The following FAM163B variants were observed in gnomAD, a reference collection of about 807,000 sequenced individuals.
FAM163B encodes family with sequence similarity 163 member B.
FAM163B carries 4 observed loss-of-function variants against 7.6 expected under a neutral mutation model. The ratio of observed to expected loss-of-function variants is 0.52; its 90% CI spans 0.26 to 1.20. The LOEUF (loss-of-function observed/expected upper bound fraction) is 1.20. Among genes scored for constraint, FAM163B ranks in the 50% most tolerant of loss-of-function variants. FAM163B has a pLI of 0.14. For missense variants in FAM163B, 250 were observed against 243.0 expected (o/e 1.03, Z -0.19); for synonymous variants, 120 against 111.6 (o/e 1.07, Z -0.47).
chr9:133,587,055 A>G (rs1187209381), intron 1 of FAM163B, among the ~76,000 whole-genome samples: 1 of 152,200 alleles, frequency 6.6e-6, no homozygotes, highest in Non-Finnish European at 1.5e-5. Flanking sequence ...TAGGGAGTAA[A>G]CTGAGGCCAG....
chr9:133,594,846 G>T (rs1012660752), intron 1 of FAM163B, among the ~76,000 whole-genome samples: 9 of 152,132 alleles, frequency 5.9e-5, no homozygotes, highest in African/African-American at 2.2e-4. Context: ...CCCTGGGCAG[G>T]AAATGGCACT....
chr9:133,579,367 G>T lies in FAM163B; in HGVS notation c.156C>A (p.His52Gln), dbSNP rs961735652. 6 of 1,612,370 alleles carry T rather than the reference G, an allele frequency of 3.7e-6. No individual in the cohort carries two copies. The Admixed American group carries it at 5.0e-5, about 13-fold the overall frequency. Residue 52 changes from histidine to glutamine, a missense_variant, in exon 3 of 3, where the codon CAC becomes CAA. His to Gln is a conservative substitution (Grantham distance 24). Transcript: ENST00000673969. ...TGGAGTGCAGCGGGGGCAGGTGCGA[G>T]TGAACGGCGAAGTCTGGTTCCTCCT... Reference protein sequence around the residue: ...EDEEEPDFAVHSHLPPLHSNR... With the variant: ...EDEEEPDFAVQSHLPPLHSNR...
chr9:133,608,518 G>A (rs951704013), intron 1 of FAM163B, among the ~76,000 whole-genome samples: 27 of 152,156 alleles, frequency 1.8e-4, no homozygotes, highest in African/African-American at 6.3e-4. Context: ...GACAGAGGCC[G>A]GCGTGTTTGA....
chr9:133,582,976 G>A (rs968590756), intron 1 of FAM163B, among the ~76,000 whole-genome samples: 2 of 152,300 alleles, frequency 1.3e-5, no homozygotes, highest in South Asian at 4.1e-4. Flanking sequence ...ATCCCTCCCC[G>A]ACACCTGCAG....
At chr9:133,581,660 C>T (rs1831358516) in intron 1 of FAM163B, among the ~76,000 whole-genome samples, 1 of 152,144 alleles carries the variant, frequency 6.6e-6, no homozygotes, top group Non-Finnish European at 1.5e-5. Flanking sequence ...ATTGGAGAAA[C>T]TGGGTTGTTT....
chr9:133,585,598 T>A (rs894651288), intron 1 of FAM163B, among the ~76,000 whole-genome samples: 3 of 152,194 alleles, frequency 2.0e-5, no homozygotes, highest in Admixed American at 2.0e-4. Flanking sequence ...AAGGCCTACA[T>A]CCTCGGCACT....
Position 133,600,972 on chromosome 9 carries a change from C to T in FAM163B, c.-24+8105G>A, listed in dbSNP as rs1831721946. Among the ~76,000 whole-genome samples the T allele has an allele frequency of 6.6e-6, 1 of 152,154 alleles. No individual in the cohort carries two copies. Among genetic ancestry groups the T allele is most frequent in the Non-Finnish European group, 1.5e-5 (1 of 68,022 alleles). ...CTGGCTGAACTCCAGACATTTTGCT[C>T]TTCCCTGACATCAGCCCAAGTTCTC... On this transcript the variant is annotated intron_variant, in intron 1 of 2. Coordinates refer to ENST00000673969, the MANE Select transcript of FAM163B (RefSeq NM_001080515.3). The surrounding 1 kb of genome is among the most constrained non-coding windows in gnomAD (Gnocchi z 4.9).
intron 1 of FAM163B, among the ~76,000 whole-genome samples, chr9:133,581,947 A>T (rs1831362727): frequency 6.6e-6 from 1 of 152,230 alleles, no homozygotes. Context: ...AGGAGTTACA[A>T]AGTAGTGACT....
chr9:133,599,600 ATGTG>A (rs898274939), intron 1 of FAM163B, among the ~76,000 whole-genome samples: 11 of 146,966 alleles, frequency 7.5e-5, no homozygotes, highest in African/African-American at 2.5e-4. Flanking sequence ...GCATGTGTGA[ATGTG>A]TGTGTGCATG....
chr9:133,607,145 C>T lies in FAM163B; in HGVS notation c.-24+1932G>A, dbSNP rs146648552. The stretch of plus-strand genomic sequence containing the variant: ...CTGCACTCCTCCCAGCTTTCCTACT[C>T]CATCCGGGGCTTAGATGAACAGAGC... On this transcript the variant is annotated intron_variant, in intron 1 of 2. Coordinates refer to ENST00000673969, the MANE Select transcript of FAM163B (RefSeq NM_001080515.3). 2.6e-3 allele frequency among the ~76,000 whole-genome samples: 396 copies of T among 152,302 alleles called. 4 individuals are homozygous for T. The highest frequency in any genetic ancestry group is 9.2e-3 in the African/African-American group (383 of 41,564).
At chr9:133,598,676 G>A (rs970786535) in intron 1 of FAM163B, among the ~76,000 whole-genome samples, 8 of 152,074 alleles carry the variant, frequency 5.3e-5, no homozygotes, top group South Asian at 2.1e-4. Flanking sequence ...TTAGAATAAC[G>A]CACTCATGCT....
chr9:133,603,380 T>C (rs1831753246), intron 1 of FAM163B, among the ~76,000 whole-genome samples: 1 of 152,014 alleles, frequency 6.6e-6, no homozygotes, highest in Non-Finnish European at 1.5e-5. Flanking sequence ...GATGTGTTGG[T>C]AGGAACCGCA....
chr9:133,585,670 G>A (rs1340207346), intron 1 of FAM163B, among the ~76,000 whole-genome samples: 1 of 152,248 alleles, frequency 6.6e-6, no homozygotes, highest in Non-Finnish European at 1.5e-5. Context: ...CCAGGACGGG[G>A]AGCCTGGTAA....
rs1019453114 is a variant in FAM163B, at chr9:133,606,458, C to T, written c.-24+2619G>A. Among the ~76,000 whole-genome samples the T allele has an allele frequency of 6.6e-6, 1 of 152,222 alleles. No homozygotes were observed. Among genetic ancestry groups the T allele is most frequent in the African/African-American group, 2.4e-5 (1 of 41,460 alleles). ...CTGGCAGAGAAGCCCCCCAGCCCCA[C>T]CCTGGCCTCTGTAGGGTGGTCCCCA... On this transcript the variant is annotated intron_variant, in intron 1 of 2. Coordinates refer to ENST00000673969, the MANE Select transcript of FAM163B (RefSeq NM_001080515.3). The surrounding 1 kb of genome is among the most constrained non-coding windows in gnomAD (Gnocchi z 4.0).
At chr9:133,607,809 C>G (rs1304390596) in intron 1 of FAM163B, among the ~76,000 whole-genome samples, 1 of 152,148 alleles carries the variant, frequency 6.6e-6, no homozygotes, top group Non-Finnish European at 1.5e-5. Flanking sequence ...GGCCCCCGAG[C>G]CTTAGGGTGA....
At chr9:133,599,094 CTT>C (rs1395933926) in intron 1 of FAM163B, among the ~76,000 whole-genome samples, 1 of 152,216 alleles carries the variant, frequency 6.6e-6, no homozygotes, top group Non-Finnish European at 1.5e-5. Context: ...GAGCGCCACA[CTT>C]TCAGCTTTGT....
Position 133,578,946 on chromosome 9 carries a change from G to A in FAM163B, c.*76C>T. The A allele has an allele frequency of 1.4e-6, 2 of 1,440,632 alleles. No homozygotes were observed. The highest frequency in any genetic ancestry group is 1.8e-6 in the Non-Finnish European group (2 of 1,100,060). The allele number at this position is 1,440,632 out of a possible 1,614,324, so 89.2% of individuals were successfully genotyped here. ...AGCCAAGCCCCACTTGGGGCCTGGG[G>A]CCAGGTGGGTGTGCCAAAGGAATCC... is the stretch of plus-strand genomic sequence containing the variant. On this transcript the variant is annotated 3_prime_UTR_variant, in exon 3 of 3. Transcript: ENST00000673969.
chr9:133,579,212 AG>A lies in FAM163B; in HGVS notation c.310del (p.Leu104CysfsTer12). 6.2e-7 allele frequency: 1 copy of A among 1,612,066 alleles called. No individual in the cohort carries two copies. The highest frequency in any genetic ancestry group is 8.5e-7 in the Non-Finnish European group (1 of 1,179,772). On this transcript the variant is annotated frameshift_variant, in exon 3 of 3. Transcript: ENST00000673969. LOFTEE classifies it high-confidence loss of function. ...CSHCEPPTFF[L>X]QEPPEEEEDV... is the part of the protein sequence containing the mutation. ...CTCTTCCTCCTCCGGCGGCTCCTGC[AG>A]GAAGAAGGTGGGGGGCTCGCAGTGG...
chr9:133,588,629 T>TTAAGGGATCTAGCATGTCGAGAGCATGC (rs1831482362), intron 1 of FAM163B, among the ~76,000 whole-genome samples: 3 of 47,868 alleles, frequency 6.3e-5, no homozygotes, highest in South Asian at 7.9e-4. Flanking sequence ...ATCTAGCATG[T>TTAAGGGATCTAGCATGTCGAGAGCATGC]TGAGGGATCT....
Sources: gnomAD v4.1 joint callset for allele counts (sites outside exome capture counted in the v4.1 genomes callset) on GRCh38, gnomAD v4.1.1 for gene constraint, Gnocchi (gnomAD v3.1) non-coding constraint, MANE v1.5 for transcripts, NCBI Gene and HGNC (gene_info 2026-07-23, HGNC 2026-07-21) for gene names.